The following NEK5 variants were observed in gnomAD, a reference collection of about 807,000 sequenced individuals.
NEK5 encodes serine/threonine-protein kinase Nek5.
In NEK5, 88 loss-of-function variants were observed where a neutral mutation model predicts 109.2. The ratio of observed to expected loss-of-function variants is 0.81; its 90% CI spans 0.68 to 0.96. NEK5 has a LOEUF of 0.96. Ranked by LOEUF, NEK5 falls within the 40% of genes least tolerant of loss-of-function variation. The probability of loss-of-function intolerance (pLI) is 0.00; values close to 1 mark genes in which losing one functional copy is unlikely to be tolerated. For missense variants in NEK5, 834 were observed against 920.7 expected (o/e 0.91, Z 1.22); for synonymous variants, 283 against 299.9 (o/e 0.94, Z 0.58).
chr13:52,080,987 T>TA (rs1955001009), intron 17 of NEK5, among the ~76,000 whole-genome samples: 2 of 121,742 alleles, frequency 1.6e-5, no homozygotes, highest in Admixed American at 8.7e-5. Flanking sequence ...AATATGTCAT[T>TA]TAAAAAAAAA....
At chr13:52,128,010 G>A (rs1021869053) in intron 1 of NEK5, among the ~76,000 whole-genome samples, 2 of 152,062 alleles carry the variant, frequency 1.3e-5, no homozygotes, top group Non-Finnish European at 2.9e-5. Flanking sequence ...GGTGGTTGGG[G>A]CCTGAGATGG....
intron 16 of NEK5, among the ~76,000 whole-genome samples, chr13:52,084,991 T>C (rs1955109407): frequency 1.3e-5 from 2 of 152,280 alleles, no homozygotes; most frequent in South Asian, 4.1e-4. Flanking sequence ...TGACTTTGGA[T>C]GAGCTACTTA....
At chr13:52,084,709 AAGAGAGAGAG>A (rs879660846) in intron 16 of NEK5, among the ~76,000 whole-genome samples, 1 of 93,838 alleles carries the variant, frequency 1.1e-5, no homozygotes, top group African/African-American at 3.3e-5. Context: ...GGCTAATTTA[AAGAGAGAGAG>A]AGAGAGAGAG....
intron 12 of NEK5, among the ~76,000 whole-genome samples, chr13:52,098,260 T>TCAAACAAACAAA (rs1251441242): frequency 9.3e-6 from 1 of 107,814 alleles, no homozygotes; most frequent in African/African-American, 3.0e-5. Flanking sequence ...GGACCCTCTT[T>TCAAACAAACAAA]CAAATAAATA....
chr13:52,102,648 G>C (rs1278696020), intron 9 of NEK5, among the ~76,000 whole-genome samples: 2 of 152,174 alleles, frequency 1.3e-5, no homozygotes, highest in East Asian at 3.9e-4. Context: ...AGCCGTGATT[G>C]CGTCACTGCA....
At chr13:52,040,153 C>T (rs1057308272) in intron 23 of NEK5, among the ~76,000 whole-genome samples, 27 of 149,926 alleles carry the variant, frequency 1.8e-4, no homozygotes, top group African/African-American at 4.9e-4. Context: ...GGCTCAACCT[C>T]GGCTCACTGC....
chr13:52,105,903 G>A (rs1955643007), intron 8 of NEK5, among the ~76,000 whole-genome samples: 1 of 151,570 alleles, frequency 6.6e-6, no homozygotes, highest in South Asian at 2.1e-4. Flanking sequence ...GTCTCACAAT[G>A]TTGTCCAGGT....
intron 3 of NEK5, among the ~76,000 whole-genome samples, chr13:52,123,425 G>A: frequency 6.6e-6 from 1 of 152,170 alleles, no homozygotes; most frequent in East Asian, 1.9e-4. Flanking sequence ...ATGAAATGCA[G>A]TAATGTTAAT....
intron 13 of NEK5, 35 bp downstream of exon 13, chr13:52,093,019 G>A (rs1276411582): frequency 1.6e-5 from 23 of 1,407,366 alleles, no homozygotes; most frequent in Non-Finnish European, 2.1e-5. Flanking sequence ...GATATTTTTA[G>A]ATTAACCAAA....
At chr13:52,060,636 G>A (rs1029979320) in intron 22 of NEK5, among the ~76,000 whole-genome samples, 22 of 151,904 alleles carry the variant, frequency 1.4e-4, no homozygotes, top group Non-Finnish European at 2.8e-4. Context: ...ATAAGCCACC[G>A]CGCCCAGCCT....
chr13:52,102,097 G>C lies in NEK5; in HGVS notation c.805C>G (p.Pro269Ala). 3.7e-6 allele frequency: 6 copies of C among 1,613,594 alleles called. No individual in the cohort carries two copies. The highest frequency in any genetic ancestry group is 5.1e-6 in the Non-Finnish European group (6 of 1,179,608). Residue 269 changes from proline (P) to alanine (A), a missense_variant, in exon 10 of 24, where the codon CCT becomes GCT. Around this residue, in one of 2 missense-constraint regions of NEK5, gnomAD observed 777 missense variants for 824.7 expected, o/e 0.94. Transcript: ENST00000684899. ...ACAGTCACCTCAAAACTTACCTCAG[G>C]AGTCAAATATTTGGGAATAAGATTC... ...LENLIPKYLT[P>A]EVIQEEFSHM...
chr13:52,038,763 T>C (rs908835077), intron 23 of NEK5, among the ~76,000 whole-genome samples: 2 of 140,350 alleles, frequency 1.4e-5, no homozygotes, highest in Non-Finnish European at 3.0e-5. Context: ...AGTTTACAGT[T>C]GTAATGAGCT....
chr13:52,034,017 G>T lies in NEK5; in HGVS notation c.*2931C>A, dbSNP rs999451270. On this transcript the variant is annotated 3_prime_UTR_variant, in exon 24 of 24. Transcript: ENST00000684899. ...TAAGGCAACCCTTGGCTTTGGAGAAGCATCTGTTCCAATATTCTGGTGCTA... is the reference window on the plus strand; with the variant it reads ...TAAGGCAACCCTTGGCTTTGGAGAATCATCTGTTCCAATATTCTGGTGCTA... 1 of 152,202 alleles carries T rather than the reference G, an allele frequency of 6.6e-6. No individual in the cohort carries two copies. Among genetic ancestry groups the T allele is most frequent in the African/African-American group, 2.4e-5 (1 of 41,450 alleles). The allele number at this position is 152,202 out of a possible 1,614,324, so 9.4% of individuals were successfully genotyped here.
chr13:52,112,421 G>A lies in NEK5; in HGVS notation c.215-56C>T. 3.5e-6 allele frequency: 4 copies of A among 1,150,048 alleles called. No individual in the cohort carries two copies. The South Asian group carries it at 3.8e-5, about 11-fold the overall frequency. 71.2% of individuals were successfully genotyped at this position (1,150,048 alleles called of 1,614,324 possible). ...AGGATTTCAGATATTTATCAGCCAT[G>A]TTCTGGCTGTGGAATCAAGATGGAC... On this transcript the variant is annotated intron_variant, in intron 4 of 23. Transcript: ENST00000684899.
At chr13:52,082,330 T>A in intron 17 of NEK5, 1 of 1,098,974 alleles carries the variant, frequency 9.1e-7, no homozygotes, top group South Asian at 1.4e-5. Flanking sequence ...AAAAAGATAA[T>A]AATAATTCTT....
chr13:52,083,347 G>GT lies in NEK5; in HGVS notation c.1484dup (p.Asn495LysfsTer7). 1 of 1,603,156 alleles carries GT rather than the reference G, an allele frequency of 6.2e-7. No individual in the cohort carries two copies. The highest frequency in any genetic ancestry group is 8.5e-7 in the Non-Finnish European group (1 of 1,170,288). ...AATAGGTTTTATGACTTATTTTTGA[G>GT]TTCTCCTTTAACACAAATTATACAC... On this transcript the variant is annotated frameshift_variant, in exon 17 of 24. Transcript: ENST00000684899. LOFTEE classifies it high-confidence loss of function.
intron 3 of NEK5, among the ~76,000 whole-genome samples, chr13:52,121,159 CTTT>C (rs34187285): frequency 7.3e-5 from 10 of 136,572 alleles, no homozygotes; most frequent in Non-Finnish European, 1.6e-4. Flanking sequence ...CTGAAGAAAT[CTTT>C]TTTTTTTTTT....
chr13:52,127,104 G>A (rs1176800950), intron 3 of NEK5, among the ~76,000 whole-genome samples: 1 of 152,002 alleles, frequency 6.6e-6, no homozygotes, highest in Non-Finnish European at 1.5e-5. Context: ...AGGCTATCTC[G>A]AACTCCTGGC....
intron 17 of NEK5, among the ~76,000 whole-genome samples, chr13:52,079,914 C>A (rs1429724568): frequency 6.6e-6 from 1 of 151,808 alleles, no homozygotes; most frequent in East Asian, 1.9e-4. Flanking sequence ...GCCCCGCCGC[C>A]CCGTCTGGGA....
Sources: allele counts gnomAD v4.1 joint callset (sites outside exome capture counted in the v4.1 genomes callset), GRCh38; gene constraint gnomAD v4.1.1; regional missense constraint gnomAD v4.1.1; transcripts MANE v1.5; gene names NCBI Gene and HGNC (gene_info 2026-07-23, HGNC 2026-07-21).